ZNF236: variants seen among roughly 807,000 people sequenced by gnomAD.
ZNF236 encodes zinc finger protein 236, also known as regulated by glucose.
A neutral mutation model predicts 191.2 loss-of-function variants in ZNF236; 50 were observed. The observed-to-expected ratio is 0.26, with a 90% CI of 0.21 to 0.33. The LOEUF is 0.33. ZNF236 is among the 10% of genes least tolerant of loss of function. The pLI is 1.00. For synonymous variants in ZNF236, 907 were observed against 928.8 expected, an observed-to-expected ratio of 0.98 and a Z score of 0.43; for missense variants, 1,754 against 2,374.5, an observed-to-expected ratio of 0.74 and a Z score of 5.43.
In ZNF236 at chr18:76,971,463, G is replaced by C. The variant is rs1457761799; in HGVS notation, c.*3124G>C. 2.0e-5 allele frequency among the ~76,000 whole-genome samples: 3 copies of C among 152,190 alleles called. No individual in the cohort carries two copies. In the East Asian group the frequency reaches 5.8e-4, roughly 29 times the overall value. ...TGGTGGGACATGAACATCAGTGCTT[G>C]TCTGGCACTTAACTAGGGGATGTTT... On this transcript the variant is annotated 3_prime_UTR_variant, in exon 31 of 31. Transcript: ENST00000320610.
intron 9 of ZNF236, among the ~76,000 whole-genome samples, chr18:76,890,845 T>G (rs1161129071): frequency 6.6e-6 from 1 of 152,192 alleles, no homozygotes; most frequent in Non-Finnish European, 1.5e-5. Flanking sequence ...AAAGGTCCAC[T>G]TATATGCAGG....
At chr18:76,883,990 G>A (rs1976973735) in intron 9 of ZNF236, among the ~76,000 whole-genome samples, 1 of 152,196 alleles carries the variant, frequency 6.6e-6, no homozygotes, top group South Asian at 2.1e-4. Context: ...TTTTATCAGA[G>A]TGAATGTTTT....
chr18:76,880,136 T>C lies in ZNF236; in HGVS notation c.1008T>C (p.Pro336=). The C allele has an allele frequency of 6.2e-7, 1 of 1,613,950 alleles. No homozygotes were observed. The highest frequency in any genetic ancestry group is 8.5e-7 in the Non-Finnish European group (1 of 1,179,924). ...VLTATLFQTL[P]LQQTEAQATS... Reference sequence around the variant, plus strand: ...AGGCCACACTTTTTCAGACGTTACCTCTTCAACAGACGGAAGCCCAAGCCA... The same window carrying C: ...AGGCCACACTTTTTCAGACGTTACCCCTTCAACAGACGGAAGCCCAAGCCA... Residue 336 remains proline, a synonymous_variant, in exon 8 of 31, where the codon CCT becomes CCC. Coordinates refer to ENST00000320610, the MANE Select transcript of ZNF236 (RefSeq NM_001306089.2). The surrounding 1 kb of genome is among the most constrained non-coding windows in gnomAD (Gnocchi z 5.0).
intron 27 of ZNF236, 132 bp downstream of exon 27, chr18:76,947,784 C>T (rs76399542): frequency 0.019 from 20,748 of 1,069,704 alleles, 256 homozygotes; most frequent in Middle Eastern, 0.032. Flanking sequence ...GAGGTGTCCC[C>T]GGCTGAATCC....
chr18:76,828,596 A>G (rs1975078371), intron 1 of ZNF236, among the ~76,000 whole-genome samples: 1 of 152,194 alleles, frequency 6.6e-6, no homozygotes, highest in South Asian at 2.1e-4. Flanking sequence ...TAACAATATC[A>G]GGTGTCTATC....
Position 76,927,982 on chromosome 18 carries a change from C to T in ZNF236, c.4470C>T (p.Gly1490=), listed in dbSNP as rs1361650535. ...MTSQGLVSPS[G]GPHEITLTIN... is the part of the protein sequence containing the mutation. ...CGCAAGGTCTAGTGTCCCCCTCCGG[C>T]GGTCCCCACGAGATCACCCTGACCA... Residue 1490 remains glycine, a synonymous_variant, in exon 25 of 31, where the codon GGC becomes GGT. Transcript: ENST00000320610. This position sits in a 1 kb window ranked among gnomAD's most constrained non-coding sequence, Gnocchi z 5.4. 4 of 1,613,420 alleles carry T rather than the reference C, an allele frequency of 2.5e-6. No homozygotes were observed. Among genetic ancestry groups the T allele is most frequent in the Non-Finnish European group, 3.4e-6 (4 of 1,179,682 alleles).
chr18:76,837,475 T>A (rs1975371477), intron 1 of ZNF236, among the ~76,000 whole-genome samples: 1 of 144,014 alleles, frequency 6.9e-6, no homozygotes, highest in Non-Finnish European at 1.5e-5. Flanking sequence ...AGTTTCACTC[T>A]TGTTGCCCAG....
At chr18:76,945,884 A>T (rs938788078) in intron 26 of ZNF236, among the ~76,000 whole-genome samples, 1 of 152,240 alleles carries the variant, frequency 6.6e-6, no homozygotes, top group Admixed American at 6.5e-5. Context: ...CTTTTTTAAA[A>T]AGCTGCATAT....
chr18:76,882,656 C>CATGTATAACATGATTCTGAAGTTT (rs1276200129), intron 9 of ZNF236, among the ~76,000 whole-genome samples: 1 of 152,214 alleles, frequency 6.6e-6, no homozygotes, highest in Non-Finnish European at 1.5e-5. Context: ...TACATTTTCT[C>CATGTATAACATGATTCTGAAGTTT]ATGTATAACA....
intron 5 of ZNF236, among the ~76,000 whole-genome samples, chr18:76,873,465 G>C (rs1976631633): frequency 2.0e-5 from 3 of 152,182 alleles, no homozygotes; most frequent in Admixed American, 2.0e-4. Context: ...AGAGCAGCAG[G>C]TCCCAGCCCC....
At chr18:76,951,400 A>G (rs1968404786) in intron 27 of ZNF236, among the ~76,000 whole-genome samples, 1 of 152,240 alleles carries the variant, frequency 6.6e-6, no homozygotes, top group Admixed American at 6.5e-5. Context: ...CTCCAGCAAC[A>G]CTTGCTGCTT....
intron 27 of ZNF236, among the ~76,000 whole-genome samples, chr18:76,948,548 T>C (rs775569528): frequency 2.0e-5 from 3 of 152,138 alleles, no homozygotes; most frequent in Non-Finnish European, 4.4e-5. Context: ...GTGGTTACAA[T>C]GGAAGGGTGC....
intron 20 of ZNF236, among the ~76,000 whole-genome samples, chr18:76,921,479 G>C (rs1283190982): frequency 6.6e-6 from 1 of 152,210 alleles, no homozygotes; most frequent in East Asian, 1.9e-4. Flanking sequence ...CTGGCCAGCA[G>C]TTGTGTGTGG....
chr18:76,851,380 C>T (rs1975863850), intron 2 of ZNF236, among the ~76,000 whole-genome samples: 1 of 151,628 alleles, frequency 6.6e-6, no homozygotes, highest in Non-Finnish European at 1.5e-5. Context: ...ATTCTCTTGC[C>T]TCGGCCTCCC....
rs773256556 is a variant in ZNF236, at chr18:76,910,624, A to G, written c.2654-36A>G. 1.2e-5 allele frequency: 19 copies of G among 1,589,428 alleles called. No individual in the cohort carries two copies. The East Asian group carries it at 4.3e-4, about 36-fold the overall frequency. ...TAGAACATTTTAATGTAACTTTAAT[A>G]TTTTTGTAGAACTCCTCTTTTCTAA... On this transcript the variant is annotated intron_variant, in intron 15 of 30. Transcript: ENST00000320610.
rs567993474 is a variant in ZNF236 at position 76,921,833 on chromosome 18, C to T, written c.3558-1238C>T. 1.8e-4 allele frequency among the ~76,000 whole-genome samples: 25 copies of T among 137,088 alleles called. No individual in the cohort carries two copies. In the South Asian group the frequency reaches 5.1e-3, roughly 28 times the overall value. 89.9% of individuals were successfully genotyped at this position (137,088 alleles called of 152,430 possible). A position where few individuals can be genotyped will look rare whatever the true frequency, so the allele number is the denominator to read the frequency against. On this transcript the variant is annotated intron_variant, in intron 20 of 30. Coordinates refer to ENST00000320610, the MANE Select transcript of ZNF236 (RefSeq NM_001306089.2). ...CTCGGCTCAGTGCAAACTCCGAGAACGGGACGTTCTTATAGCTGTGTTTTC... is the reference window on the plus strand; with the variant it reads ...CTCGGCTCAGTGCAAACTCCGAGAATGGGACGTTCTTATAGCTGTGTTTTC...
At chr18:76,834,588 TG>T in intron 1 of ZNF236, 1 of 471,412 alleles carries the variant, frequency 2.1e-6, no homozygotes, top group Middle Eastern at 5.5e-4. Context: ...TGTGCACAGT[TG>T]GGGTGAATGC....
At chr18:76,882,499 T>C (rs922086965) in intron 9 of ZNF236, among the ~76,000 whole-genome samples, 1 of 152,220 alleles carries the variant, frequency 6.6e-6, no homozygotes, top group Non-Finnish European at 1.5e-5. Context: ...AGGAATTTAC[T>C]ACATCTTTCT....
chr18:76,831,948 C>T (rs887094340), intron 1 of ZNF236, among the ~76,000 whole-genome samples: 3 of 152,108 alleles, frequency 2.0e-5, no homozygotes, highest in African/African-American at 7.2e-5. Context: ...TTTAAAGATA[C>T]CTTCTAATCA....
Sources: allele counts gnomAD v4.1 joint callset (sites outside exome capture counted in the v4.1 genomes callset), GRCh38; gene constraint gnomAD v4.1.1; non-coding constraint Gnocchi (gnomAD v3.1); transcripts MANE v1.5; gene names NCBI Gene and HGNC (gene_info 2026-07-23, HGNC 2026-07-21).